SYTL3: variants seen among roughly 807,000 people sequenced by gnomAD.
The protein encoded by SYTL3 is synaptotagmin-like protein 3.
SYTL3 carries 88 observed loss-of-function variants against 82.1 expected under a neutral mutation model. The ratio of observed to expected loss-of-function variants is 1.07; its 90% CI spans 0.90 to 1.28. The LOEUF is 1.28. Among genes scored for constraint, SYTL3 ranks in the 50% most tolerant of loss-of-function variants. The pLI is 0.00. For missense variants in SYTL3, 831 were observed against 757.6 expected (o/e 1.10, Z -1.14); for synonymous variants, 311 against 289.4 (o/e 1.07, Z -0.76).
chr6:158,721,199 A>G (rs553696744), intron 10 of SYTL3, among the ~76,000 whole-genome samples: 5 of 151,940 alleles, frequency 3.3e-5, no homozygotes, highest in Admixed American at 2.6e-4. Flanking sequence ...ACCTTAATTG[A>G]GGTTGTGGCT....
intron 5 of SYTL3, among the ~76,000 whole-genome samples, chr6:158,680,676 C>T (rs191484377): frequency 1.3e-5 from 2 of 152,044 alleles, no homozygotes; most frequent in African/African-American, 4.8e-5. Context: ...CGCTTGAGCC[C>T]GGGAGGCAGG....
intron 16 of SYTL3, among the ~76,000 whole-genome samples, chr6:158,763,055 C>T (rs1355415486): frequency 6.6e-6 from 1 of 152,128 alleles, no homozygotes; most frequent in African/African-American, 2.4e-5. Flanking sequence ...GGAGGCACCC[C>T]AAGGAGGAAA....
intron 11 of SYTL3, among the ~76,000 whole-genome samples, chr6:158,728,096 T>C (rs2128485035): frequency 6.6e-6 from 1 of 152,358 alleles, no homozygotes; most frequent in Non-Finnish European, 1.5e-5. Flanking sequence ...TGTGTTTTTA[T>C]AATTTTGATG....
chr6:158,714,719 A>G (rs984845957), intron 9 of SYTL3, among the ~76,000 whole-genome samples: 1 of 152,166 alleles, frequency 6.6e-6, no homozygotes, highest in Non-Finnish European at 1.5e-5. Flanking sequence ...GTCCTTAGGC[A>G]TGGATTTCTC....
chr6:158,676,786 C>A (rs1778085982), intron 5 of SYTL3, among the ~76,000 whole-genome samples: 1 of 152,074 alleles, frequency 6.6e-6, no homozygotes, highest in African/African-American at 2.4e-5. Flanking sequence ...ATTTATGCGG[C>A]CAAAAAACAC....
intron 14 of SYTL3, 121 bp downstream of exon 14, chr6:158,757,502 G>C (rs1425798747): frequency 9.2e-7 from 1 of 1,091,092 alleles, no homozygotes; most frequent in African/African-American, 1.6e-5. Context: ...CTGTGTGTTC[G>C]CCGGCCTGGC....
chr6:158,652,482 T>G (rs957399993), intron 2 of SYTL3, among the ~76,000 whole-genome samples: 4 of 151,124 alleles, frequency 2.6e-5, no homozygotes, highest in African/African-American at 9.8e-5. Flanking sequence ...ATCTCCTGAC[T>G]TCATGATCCA....
chr6:158,725,233 A>G (rs370555918), intron 10 of SYTL3, among the ~76,000 whole-genome samples: 1 of 152,172 alleles, frequency 6.6e-6, no homozygotes. Flanking sequence ...TCCACGAGTA[A>G]TCTACCCATG....
intron 10 of SYTL3, among the ~76,000 whole-genome samples, chr6:158,723,919 G>A (rs1220239954): frequency 2.0e-5 from 3 of 152,184 alleles, no homozygotes; most frequent in Non-Finnish European, 4.4e-5. Context: ...GTGTCCACGT[G>A]TCTACGTGTC....
chr6:158,697,277 GAAAAAAAAAA>G (rs35335929), intron 6 of SYTL3, among the ~76,000 whole-genome samples: 1 of 94,502 alleles, frequency 1.1e-5, no homozygotes, highest in Admixed American at 1.3e-4. Context: ...CATCTCTACG[GAAAAAAAAAA>G]AAAAAAAAAA....
chr6:158,733,888 G>A (rs1242185436), intron 11 of SYTL3, among the ~76,000 whole-genome samples: 1 of 150,884 alleles, frequency 6.6e-6, no homozygotes. Flanking sequence ...ACGAGGTCAG[G>A]AGATCAAGAC....
In SYTL3 at chr6:158,758,267, C is replaced by G. The variant is rs532702177; in HGVS notation, c.1308+886C>G. Among the ~76,000 whole-genome samples, 127 of 152,120 alleles carry G rather than the reference C, an allele frequency of 8.3e-4. 1 individual carries two copies. The highest frequency in any genetic ancestry group is 2.4e-3 in the African/African-American group (101 of 41,498). On this transcript the variant is annotated intron_variant, in intron 14 of 17. Transcript: ENST00000611299. ...CATCCTGGCTAACACAGTGAAACCC[C>G]GTCTCTCTAAAAATACAAAAATTAG... is the stretch of plus-strand genomic sequence containing the variant.
intron 8 of SYTL3, 144 bp from the exon 9 acceptor site, chr6:158,713,656 C>T: frequency 1.5e-6 from 1 of 664,518 alleles, no homozygotes; most frequent in South Asian, 1.7e-5. Flanking sequence ...CACACCCATG[C>T]CCACCTGCAC....
chr6:158,718,893 A>G (rs982039021), intron 10 of SYTL3, among the ~76,000 whole-genome samples: 3 of 152,158 alleles, frequency 2.0e-5, no homozygotes, highest in Non-Finnish European at 2.9e-5. Context: ...GCTGGACAGA[A>G]CTGGTGTCCC....
At position 158,725,578 on chromosome 6, in the gene SYTL3, C is replaced by G; in HGVS notation, c.796C>G (p.Gln266Glu). Residue 266 changes from glutamine to glutamate, a missense_variant, in exon 11 of 18, where the codon CAA becomes GAA. Transcript: ENST00000611299. ...ATGCTCTACTAACCCTATTTTGAAGCAACAGAATCTCCCATCCAGTCCGGC... is the reference window on the plus strand; with the variant it reads ...ATGCTCTACTAACCCTATTTTGAAGGAACAGAATCTCCCATCCAGTCCGGC... ...PKCSTNPILK[Q>E]QNLPSSPAPS... The G allele has an allele frequency of 6.2e-7, 1 of 1,614,224 alleles. No individual in the cohort carries two copies. The highest frequency in any genetic ancestry group is 8.5e-7 in the Non-Finnish European group (1 of 1,180,032).
chr6:158,745,341 C>T, intron 11 of SYTL3, 139 bp from the exon 12 acceptor site: 2 of 741,744 alleles, frequency 2.7e-6, no homozygotes, highest in Non-Finnish European at 2.1e-6. Flanking sequence ...TGGCAAAGTA[C>T]AAGCTGGTGC....
intron 12 of SYTL3, among the ~76,000 whole-genome samples, chr6:158,749,215 A>G (rs1379552802): frequency 1.5e-5 from 2 of 134,642 alleles, no homozygotes; most frequent in African/African-American, 5.8e-5. Flanking sequence ...ACAGAGTGAG[A>G]CTCCCTCTCA....
chr6:158,740,674 G>A (rs1476997745), intron 11 of SYTL3, among the ~76,000 whole-genome samples: 5 of 152,250 alleles, frequency 3.3e-5, no homozygotes, highest in South Asian at 2.1e-4. Context: ...CCTGGTATGC[G>A]TGGCAATTTT....
upstream of SYTL3, among the ~76,000 whole-genome samples, chr6:158,647,566 A>G (rs966390157): frequency 9.9e-5 from 15 of 152,230 alleles, no homozygotes; most frequent in African/African-American, 3.6e-4. Flanking sequence ...GGAAAAATGC[A>G]GTGATGTGGT....
Sources: allele counts gnomAD v4.1 joint callset (sites outside exome capture counted in the v4.1 genomes callset), GRCh38; gene constraint gnomAD v4.1.1; transcripts MANE v1.5; gene names NCBI Gene and HGNC (gene_info 2026-07-23, HGNC 2026-07-21).